The following LIMS4 variants were observed in gnomAD, a reference collection of about 807,000 sequenced individuals.
LIMS4 encodes the protein LIM zinc finger domain containing 4.
chr2:110,394,465 AGTG>A, the LIMS4 span, among the ~76,000 whole-genome samples: 1 of 135,880 alleles, frequency 7.4e-6, no homozygotes, highest in Non-Finnish European at 1.5e-5. Flanking sequence ...CTCCAGGCGC[AGTG>A]GCTCAAATCT....
At chr2:110,367,919 GA>G in the LIMS4 span, among the ~76,000 whole-genome samples, 1 of 144,498 alleles carries the variant, frequency 6.9e-6, no homozygotes, top group South Asian at 2.2e-4. Context: ...AGAGTGTTAA[GA>G]ATGTCCTAAA....
the LIMS4 span, among the ~76,000 whole-genome samples, chr2:110,370,757 TG>T: frequency 1.5e-4 from 9 of 59,140 alleles, no homozygotes; most frequent in African/African-American, 6.8e-4. Context: ...GTCTGATTTT[TG>T]TAAGTATTCC....
At chr2:110,391,023 C>A in the LIMS4 span, among the ~76,000 whole-genome samples, 1 of 152,012 alleles carries the variant, frequency 6.6e-6, no homozygotes, top group African/African-American at 2.4e-5. Flanking sequence ...GGGAGCCAGC[C>A]CTGCAGGCAT....
chr2:110,392,105 A>G, the LIMS4 span, among the ~76,000 whole-genome samples: 1 of 152,106 alleles, frequency 6.6e-6, no homozygotes, highest in Non-Finnish European at 1.5e-5. Context: ...TCATCTGTGC[A>G]TTCTATTTTC....
chr2:110,390,199 C>T, the LIMS4 span, among the ~76,000 whole-genome samples: 1 of 136,544 alleles, frequency 7.3e-6, no homozygotes, highest in Admixed American at 7.3e-5. Flanking sequence ...GCTTTCTACC[C>T]CTGGAGTTCC....
chr2:110,371,168 TGTTA>T, the LIMS4 span, among the ~76,000 whole-genome samples: 1 of 110,810 alleles, frequency 9.0e-6, no homozygotes, highest in African/African-American at 4.6e-5. Flanking sequence ...TAGGCTTTCT[TGTTA>T]AACATAGGTC....
chr2:110,385,153 C>T, the LIMS4 span, among the ~76,000 whole-genome samples: 46 of 148,210 alleles, frequency 3.1e-4, no homozygotes, highest in African/African-American at 1.2e-3. Flanking sequence ...GGCCATGGTG[C>T]CTAAACAATA....
the LIMS4 span, among the ~76,000 whole-genome samples, chr2:110,425,196 T>A: frequency 1.4e-5 from 2 of 143,188 alleles, 1 homozygote; most frequent in Non-Finnish European, 3.0e-5. Context: ...GTTTGATACC[T>A]GCCTAGGCAA....
chr2:110,366,171 G>A, the LIMS4 span, among the ~76,000 whole-genome samples: 1 of 150,188 alleles, frequency 6.7e-6, no homozygotes, highest in Non-Finnish European at 1.5e-5. Flanking sequence ...GAGGACCAGA[G>A]ACTCCTCACT....
At chr2:110,432,925 C>CGG in the LIMS4 span, among the ~76,000 whole-genome samples, 2 of 134,894 alleles carry the variant, frequency 1.5e-5, no homozygotes, top group Non-Finnish European at 3.2e-5. Flanking sequence ...TTGGCGAGGT[C>CGG]GGTCTCACTC....
At chr2:110,425,178 G>A in the LIMS4 span, among the ~76,000 whole-genome samples, 4 of 143,532 alleles carry the variant, frequency 2.8e-5, no homozygotes, top group Non-Finnish European at 4.4e-5. Context: ...GATTGTTCAA[G>A]CCCAAGAGTT....
chr2:110,397,847 G>A, the LIMS4 span, among the ~76,000 whole-genome samples: 1 of 238 alleles, frequency 4.2e-3, no homozygotes, highest in Admixed American at 0.019. Flanking sequence ...GCCTAGAAAG[G>A]ACAGTGACTT....
the LIMS4 span, among the ~76,000 whole-genome samples, chr2:110,363,926 G>A: frequency 2.6e-5 from 4 of 151,650 alleles, no homozygotes; most frequent in African/African-American, 7.3e-5. Flanking sequence ...GGAGGCTGAG[G>A]CAGGCGGATC....
chr2:110,424,391 AG>A, the LIMS4 span, among the ~76,000 whole-genome samples: 1 of 96,454 alleles, frequency 1.0e-5, no homozygotes, highest in Non-Finnish European at 2.0e-5. Flanking sequence ...TTCAAGAGAA[AG>A]CGGAAATCTG....
the LIMS4 span, among the ~76,000 whole-genome samples, chr2:110,371,239 A>G: frequency 1.4e-5 from 1 of 70,866 alleles, no homozygotes; most frequent in African/African-American, 5.2e-5. Context: ...ATTAATGAGA[A>G]AAAAAAAAAA....
the LIMS4 span, among the ~76,000 whole-genome samples, chr2:110,366,024 G>A: frequency 3.3e-5 from 5 of 151,304 alleles, no homozygotes; most frequent in Non-Finnish European, 5.9e-5. Flanking sequence ...AATTGAATCA[G>A]TAATAAAATA....
the LIMS4 span, chr2:110,387,687 T>A: frequency 4.1e-6 from 1 of 242,844 alleles, no homozygotes; most frequent in African/African-American, 2.3e-5. Flanking sequence ...GCCTGGCTAC[T>A]TTTTGTATGT....
the LIMS4 span, among the ~76,000 whole-genome samples, chr2:110,368,843 A>C: frequency 6.9e-6 from 1 of 145,344 alleles, no homozygotes; most frequent in African/African-American, 2.7e-5. Flanking sequence ...CTGATTCCTA[A>C]ATTGTTTCTT....
the LIMS4 span, among the ~76,000 whole-genome samples, chr2:110,368,516 T>C: frequency 6.9e-6 from 1 of 144,694 alleles, no homozygotes. Flanking sequence ...GTCCTAAAGC[T>C]GCCTCCATAC....
Sources: gnomAD v4.1 joint callset for allele counts (sites outside exome capture counted in the v4.1 genomes callset) on GRCh38, gnomAD v4.1.1 for gene constraint, MANE v1.5 for transcripts, NCBI Gene and HGNC (gene_info 2026-07-23, HGNC 2026-07-21) for gene names.